ANO7: variants seen among roughly 807,000 people sequenced by gnomAD.
ANO7 encodes the protein anoctamin-7.
Under a neutral mutation model 115.8 loss-of-function variants are expected in ANO7, and 114 were observed. That is an observed-to-expected ratio of 0.98 (90% confidence interval 0.85 to 1.15). The LOEUF is 1.15. Ranked by LOEUF, ANO7 falls within the 50% of genes most tolerant of loss-of-function variation. ANO7 has a pLI of 0.00. For missense variants in ANO7, 1,302 were observed against 1,201.2 expected, an observed-to-expected ratio of 1.08 and a Z score of -1.24; for synonymous variants, 550 against 498.2, an observed-to-expected ratio of 1.10 and a Z score of -1.38.
the ANO7 span, chr2:241,236,336 A>T: frequency 6.6e-6 from 3 of 454,000 alleles, no homozygotes; most frequent in African/African-American, 3.9e-5. Context: ...AGACCCTTCC[A>T]CAGCCCCCGC....
At chr2:241,191,784 A>T (rs1472279865) in intron 3 of ANO7, among the ~76,000 whole-genome samples, 5 of 151,988 alleles carry the variant, frequency 3.3e-5, no homozygotes, top group Non-Finnish European at 7.4e-5. Flanking sequence ...CTTAAAAAAA[A>T]TCACAAGTGT....
intron 21 of ANO7, among the ~76,000 whole-genome samples, chr2:241,221,548 T>G (rs73013871): frequency 0.02 from 3,060 of 152,094 alleles, 54 homozygotes; most frequent in Non-Finnish European, 0.031. Flanking sequence ...TTTTTTTTTT[T>G]TGTATTTTTA....
chr2:241,200,990 C>T (rs953675534), intron 6 of ANO7, among the ~76,000 whole-genome samples: 6 of 152,254 alleles, frequency 3.9e-5, no homozygotes, highest in Non-Finnish European at 7.3e-5. Flanking sequence ...TGCCCTGTGC[C>T]CAACCACAGT....
downstream of ANO7, chr2:241,229,784 G>GGCCCCCCCC: frequency 6.7e-7 from 1 of 1,502,540 alleles, no homozygotes; most frequent in Non-Finnish European, 9.1e-7. Context: ...AAGCCCGCCT[G>GGCCCCCCCC]CCCGCCCACC....
intron 5 of ANO7, 144 bp downstream of exon 5, chr2:241,199,567 C>A: frequency 1.3e-6 from 1 of 783,948 alleles, no homozygotes; most frequent in Non-Finnish European, 2.1e-6. Context: ...CACCAGGCCC[C>A]AAGAAACCTC....
chr2:241,223,940 G>GC lies in ANO7; in HGVS notation c.2571dup (p.Glu858ArgfsTer33), dbSNP rs1381175435. 6.2e-7 allele frequency: 1 copy of GC among 1,609,448 alleles called. No individual in the cohort carries two copies. The highest frequency in any genetic ancestry group is 2.2e-5 in the East Asian group (1 of 44,870). On this transcript the variant is annotated frameshift_variant, in exon 24 of 25. Transcript: ENST00000674324. LOFTEE classifies it low-confidence loss of function (END_TRUNC). ...GAACGAACGGAACAAAGGATGAGCA[G>GC]CCCGAGGGCTCAGAGGCAAGTCTGG... is the stretch of plus-strand genomic sequence containing the variant.
At chr2:241,238,110 G>A in the ANO7 span, among the ~76,000 whole-genome samples, 4 of 152,338 alleles carry the variant, frequency 2.6e-5, no homozygotes, top group African/African-American at 9.6e-5. The surrounding 1 kb of genome is among the most constrained non-coding windows in gnomAD (Gnocchi z 4.9). Context: ...GTGAGAGAGA[G>A]GCAACCGACC....
chr2:241,190,018 T>G, intron 1 of ANO7, 39 bp from the exon 2 acceptor site: 1 of 1,512,482 alleles, frequency 6.6e-7, no homozygotes, highest in South Asian at 1.2e-5. Flanking sequence ...ACCCATCCCC[T>G]CTCTGACCCC....
chr2:241,202,927 G>C (rs2068505268), intron 8 of ANO7, among the ~76,000 whole-genome samples: 1 of 152,184 alleles, frequency 6.6e-6, no homozygotes, highest in Non-Finnish European at 1.5e-5. Flanking sequence ...AGTGGGTGTG[G>C]AAATGCCAGG....
At chr2:241,240,092 C>A in the ANO7 span, 1 of 1,614,154 alleles carries the variant, frequency 6.2e-7, no homozygotes, top group Non-Finnish European at 8.5e-7. This position sits in a 1 kb window ranked among gnomAD's most constrained non-coding sequence, Gnocchi z 5.5. Flanking sequence ...TCTGGCTTGG[C>A]GCGGATGTCA....
At position 241,217,714 on chromosome 2, in the gene ANO7, C is replaced by T. The variant is rs1229044229; in HGVS notation, c.2001C>T (p.Phe667=). 11 of 1,596,320 alleles carry T rather than the reference C, an allele frequency of 6.9e-6. No homozygotes were observed. The highest frequency in any genetic ancestry group is 1.7e-4 in the Middle Eastern group (1 of 6,026). Residue 667 remains phenylalanine, a synonymous_variant, in exon 20 of 25, where the codon TTC becomes TTT. Coordinates refer to ENST00000674324, the MANE Select transcript of ANO7 (RefSeq NM_001370694.2). ...MVLQFGFVTI[F]VAACPLAPLF... is the part of the protein sequence containing the mutation. ...TGCAGTTCGGCTTCGTCACCATCTT[C>T]GTGGCCGCCTGTCCGCTCGCGCCGC...
At chr2:241,226,667 G>A (rs77878158), downstream of ANO7, among the ~76,000 whole-genome samples, 11 of 152,026 alleles carry the variant, frequency 7.2e-5, no homozygotes, top group East Asian at 1.9e-4. Flanking sequence ...CTCGTGATCC[G>A]CCCACCTCGG....
At chr2:241,189,443 GT>G (rs1168509961) in intron 1 of ANO7, among the ~76,000 whole-genome samples, 2 of 152,148 alleles carry the variant, frequency 1.3e-5, no homozygotes, top group Non-Finnish European at 2.9e-5. Flanking sequence ...TCCTGGCCCC[GT>G]TTTGCCAGCC....
the ANO7 span, among the ~76,000 whole-genome samples, chr2:241,239,155 T>G: frequency 2.6e-5 from 4 of 152,190 alleles, no homozygotes; most frequent in Non-Finnish European, 4.4e-5. This position sits in a 1 kb window ranked among gnomAD's most constrained non-coding sequence, Gnocchi z 4.6. Context: ...GGGGACACTC[T>G]CTAAAGACTG....
chr2:241,202,668 G>C (rs756260527), intron 8 of ANO7, among the ~76,000 whole-genome samples: 1 of 152,214 alleles, frequency 6.6e-6, no homozygotes, highest in Non-Finnish European at 1.5e-5. Flanking sequence ...ATGCCAAAGC[G>C]GGCACTGACC....
chr2:241,224,394 A>G lies in ANO7; in HGVS notation c.*241A>G, dbSNP rs963720116. On this transcript the variant is annotated 3_prime_UTR_variant, in exon 25 of 25. Transcript: ENST00000674324. ...AAGGCCCTCTTTGTTTCCTGCTCCC[A>G]GACATAAGCCCAAGGGGCCCCTGCA... The G allele has an allele frequency of 7.1e-6, 4 of 559,558 alleles. No homozygotes were observed. Among genetic ancestry groups the G allele is most frequent in the Non-Finnish European group, 1.3e-5 (4 of 313,866 alleles). 34.7% of individuals were successfully genotyped at this position (559,558 alleles called of 1,614,324 possible).
chr2:241,201,717 G>A (rs2068476963), intron 7 of ANO7, among the ~76,000 whole-genome samples: 1 of 152,250 alleles, frequency 6.6e-6, no homozygotes, highest in African/African-American at 2.4e-5. Flanking sequence ...AGGCGGGGCA[G>A]GCCCAAGGCA....
At chr2:241,210,252 C>T (rs1296329545) in intron 13 of ANO7, 43 bp from the exon 14 acceptor site, 2 of 1,600,816 alleles carry the variant, frequency 1.2e-6, no homozygotes, top group East Asian at 2.2e-5. Context: ...CTGGGGTGCC[C>T]AAGACACCGT....
chr2:241,229,973 A>T, downstream of ANO7: 1 of 1,587,380 alleles, frequency 6.3e-7, no homozygotes, highest in Non-Finnish European at 8.6e-7. Context: ...TGCAGGCAGA[A>T]GACAGGAAGA....
Sources: gnomAD v4.1 joint callset for allele counts (sites outside exome capture counted in the v4.1 genomes callset) on GRCh38, gnomAD v4.1.1 for gene constraint, Gnocchi (gnomAD v3.1) non-coding constraint, MANE v1.5 for transcripts, NCBI Gene and HGNC (gene_info 2026-07-23, HGNC 2026-07-21) for gene names.